CYTH1: variants seen among roughly 807,000 people sequenced by gnomAD.
The protein encoded by CYTH1 is cytohesin 1.
Under a neutral mutation model 61.8 loss-of-function variants are expected in CYTH1, and 18 were observed. The observed-to-expected ratio is 0.29, with a 90% CI of 0.20 to 0.43. The LOEUF is 0.43. Ranked by LOEUF, CYTH1 falls within the 20% of genes least tolerant of loss-of-function variation. The pLI, the probability that CYTH1 is intolerant of heterozygous loss-of-function variation, is 1.00. For missense variants in CYTH1, 336 were observed against 510.5 expected, an observed-to-expected ratio of 0.66 and a Z score of 3.29; for synonymous variants, 174 against 184.3, an observed-to-expected ratio of 0.94 and a Z score of 0.45.
intron 12 of CYTH1, 51 bp downstream of exon 12, chr17:78,680,920 G>GAAAT: frequency 6.4e-7 from 1 of 1,570,778 alleles, no homozygotes; most frequent in Non-Finnish European, 8.7e-7. Context: ...AAAAATCTTT[G>GAAAT]AAATGCCCAT....
intron 1 of CYTH1, among the ~76,000 whole-genome samples, chr17:78,733,868 G>T (rs2093307486): frequency 6.6e-6 from 1 of 152,268 alleles, no homozygotes; most frequent in Non-Finnish European, 1.5e-5. Flanking sequence ...CACCCTGAAG[G>T]GGGCTTAGTG....
At position 78,698,813 on chromosome 17, in the gene CYTH1, T is replaced by G. The variant is rs2092974940; in HGVS notation, c.699+7A>C. On this transcript the variant is annotated splice_region_variant and intron_variant, in intron 8 of 13. Transcript: ENST00000446868. The stretch of plus-strand genomic sequence containing the variant: ...GACTTGAATGAAGACCATTCTTCCT[T>G]GCTTACCCGGAGGAGCTCCTCCGGC... 3 of 1,566,998 alleles carry G rather than the reference T, an allele frequency of 1.9e-6. No homozygotes were observed.
chr17:78,715,721 TC>T (rs1218293325), intron 1 of CYTH1, among the ~76,000 whole-genome samples: 1 of 152,066 alleles, frequency 6.6e-6, no homozygotes, highest in Non-Finnish European at 1.5e-5. Flanking sequence ...CTCTGGGCCA[TC>T]AGGGACGCCA....
At chr17:78,692,543 G>A in intron 10 of CYTH1, 50 bp from the exon 11 acceptor site, 1 of 1,579,584 alleles carries the variant, frequency 6.3e-7, no homozygotes. Context: ...CCAGACAAGT[G>A]CAGGCTCCAC....
intron 1 of CYTH1, among the ~76,000 whole-genome samples, chr17:78,745,729 T>C (rs796552211): frequency 2.6e-5 from 4 of 152,166 alleles, no homozygotes; most frequent in African/African-American, 7.2e-5. Context: ...CCGTCTCTAC[T>C]GAAAATACAA....
Position 78,706,451 on chromosome 17 carries a change from G to A in CYTH1, c.170+1746C>T, listed in dbSNP as rs552841449. Among the ~76,000 whole-genome samples the A allele has an allele frequency of 1.7e-4, 26 of 152,332 alleles. No homozygotes were observed. In the Middle Eastern group the frequency reaches 0.014, roughly 80 times the overall value. ...ATCACAATGTTCGTGAGATTCATCC[G>A]TGCTGCTGCACGCTAGCAGTTCATT... is the stretch of plus-strand genomic sequence containing the variant. On this transcript the variant is annotated intron_variant, in intron 3 of 13. Coordinates refer to ENST00000446868, the MANE Select transcript of CYTH1 (RefSeq NM_004762.6).
chr17:78,710,483 T>A (rs1272952617), intron 1 of CYTH1, among the ~76,000 whole-genome samples: 3 of 152,142 alleles, frequency 2.0e-5, no homozygotes, highest in South Asian at 2.1e-4. Flanking sequence ...AACAGGAGAT[T>A]TGGACAGACA....
intron 1 of CYTH1, among the ~76,000 whole-genome samples, chr17:78,728,300 C>A (rs547603248): frequency 6.6e-6 from 1 of 152,312 alleles, no homozygotes; most frequent in Admixed American, 6.5e-5. Context: ...AATTCCAGCA[C>A]TTTTGGGGGC....
chr17:78,702,965 G>T (rs1451657859), intron 3 of CYTH1, among the ~76,000 whole-genome samples: 1 of 152,068 alleles, frequency 6.6e-6, no homozygotes. Flanking sequence ...GGGACCACAG[G>T]CGCATGCCAC....
chr17:78,747,625 C>T (rs2093364601), intron 1 of CYTH1, among the ~76,000 whole-genome samples: 1 of 152,310 alleles, frequency 6.6e-6, no homozygotes, highest in East Asian at 1.9e-4. Flanking sequence ...CTACTTTCTG[C>T]CTCTACAGAT....
rs144403985 is a variant in CYTH1, at chr17:78,685,978, AC to A, written c.892-4937del. Among the ~76,000 whole-genome samples the A allele has an allele frequency of 3.6e-3, 554 of 152,282 alleles. 1 individual carries two copies. The highest frequency in any genetic ancestry group is 6.9e-3 in the Non-Finnish European group (470 of 68,014). Reference sequence around the variant, plus strand: ...GTCTAAGGGGCCAGGCTTTGGAGCGACCCTTTCTGTAACAGTTTCCTGAAAT... The same window carrying A: ...GTCTAAGGGGCCAGGCTTTGGAGCGACCTTTCTGTAACAGTTTCCTGAAAT... On this transcript the variant is annotated intron_variant, in intron 11 of 13. Coordinates refer to ENST00000446868, the MANE Select transcript of CYTH1 (RefSeq NM_004762.6).
At chr17:78,761,414 T>G (rs1460874626) in intron 1 of CYTH1, among the ~76,000 whole-genome samples, 2 of 152,142 alleles carry the variant, frequency 1.3e-5, no homozygotes, top group Non-Finnish European at 2.9e-5. Flanking sequence ...GCACTCACAC[T>G]ACTCAAAGCT....
At chr17:78,758,996 A>T (rs1159613980) in intron 1 of CYTH1, among the ~76,000 whole-genome samples, 1 of 152,100 alleles carries the variant, frequency 6.6e-6, no homozygotes, top group African/African-American at 2.4e-5. Flanking sequence ...CTAGCTACTC[A>T]GGAAGCTGAG....
At chr17:78,699,966 AT>A (rs1380749632) in intron 7 of CYTH1, among the ~76,000 whole-genome samples, 1 of 151,932 alleles carries the variant, frequency 6.6e-6, no homozygotes, top group Non-Finnish European at 1.5e-5. Context: ...ATTTTTAAAA[AT>A]TTTTTTGGAG....
intron 11 of CYTH1, among the ~76,000 whole-genome samples, chr17:78,683,413 G>C (rs957442364): frequency 1.1e-4 from 16 of 152,198 alleles, no homozygotes; most frequent in Admixed American, 2.6e-4. Flanking sequence ...CCTGAAGCCT[G>C]TGCACTGTGA....
chr17:78,775,348 T>C (rs1241258723), intron 1 of CYTH1, among the ~76,000 whole-genome samples: 1 of 152,164 alleles, frequency 6.6e-6, no homozygotes, highest in Non-Finnish European at 1.5e-5. Context: ...CTGTCCTGAG[T>C]ATTCCCTTAT....
chr17:78,780,175 AG>A (rs1375469655), intron 1 of CYTH1, among the ~76,000 whole-genome samples: 1 of 152,302 alleles, frequency 6.6e-6, no homozygotes, highest in East Asian at 1.9e-4. Context: ...TGAAATCTGG[AG>A]GGGCTGAACA....
At chr17:78,746,113 A>G (rs991330254) in intron 1 of CYTH1, among the ~76,000 whole-genome samples, 5 of 152,186 alleles carry the variant, frequency 3.3e-5, no homozygotes, top group Admixed American at 2.0e-4. Flanking sequence ...AGGCAGACAT[A>G]GGCAAAAAAC....
intron 1 of CYTH1, among the ~76,000 whole-genome samples, chr17:78,770,353 AAG>A (rs1318437849): frequency 9.1e-6 from 1 of 109,932 alleles, no homozygotes; most frequent in Non-Finnish European, 2.1e-5. Flanking sequence ...AAGAAAAGAA[AAG>A]AAAAAAAAAA....
Sources: gnomAD v4.1 joint callset for allele counts (sites outside exome capture counted in the v4.1 genomes callset) on GRCh38, gnomAD v4.1.1 for gene constraint, MANE v1.5 for transcripts, NCBI Gene and HGNC (gene_info 2026-07-23, HGNC 2026-07-21) for gene names.